OLAH: variants seen among roughly 807,000 people sequenced by gnomAD.
The protein encoded by OLAH is oleoyl-ACP hydrolase.
Under a neutral mutation model 27.8 loss-of-function variants are expected in OLAH, and 33 were observed. The observed-to-expected ratio is 1.19, with a 90% CI of 0.90 to 1.59. The LOEUF (loss-of-function observed/expected upper bound fraction) is 1.59. OLAH is among the 40% of genes most tolerant of loss of function. The pLI, the probability that OLAH is intolerant of heterozygous loss-of-function variation, is 0.00. For missense variants in OLAH, 359 were observed against 310.8 expected (o/e 1.16, Z -1.17); for synonymous variants, 120 against 102.9 (o/e 1.17, Z -1.01).
intron 6 of OLAH, among the ~76,000 whole-genome samples, chr10:15,067,456 C>T (rs906578296): frequency 1.3e-5 from 2 of 152,134 alleles, no homozygotes; most frequent in Non-Finnish European, 2.9e-5. Flanking sequence ...CACAACAAAC[C>T]ATGAGCTATT....
intron 1 of OLAH, among the ~76,000 whole-genome samples, chr10:15,046,427 A>G (rs1844018953): frequency 2.0e-5 from 3 of 152,154 alleles, no homozygotes; most frequent in Admixed American, 2.0e-4. Flanking sequence ...AGTTTGGCAC[A>G]GCAGTGAAGC....
intron 1 of OLAH, among the ~76,000 whole-genome samples, chr10:15,046,068 G>A (rs1434230856): frequency 1.3e-5 from 2 of 151,716 alleles, no homozygotes; most frequent in South Asian, 2.1e-4. Flanking sequence ...AGATCTGGCC[G>A]GGTGTGGTGG....
chr10:15,056,866 G>T, intron 3 of OLAH: 2 of 1,524,588 alleles, frequency 1.3e-6, no homozygotes, highest in Non-Finnish European at 8.8e-7. Flanking sequence ...CTCAAACTCC[G>T]GCGCTCAAGT....
At position 15,065,568 on chromosome 10, in the gene OLAH, T is replaced by C; in HGVS notation, c.403-16T>C. ...TATATGAAATATCAGGCCTGTGTTG[T>C]TGTTCATGTTTCAAGTCAAAGGCCT... On this transcript the variant is annotated splice_polypyrimidine_tract_variant and intron_variant, in intron 5 of 7. Coordinates refer to ENST00000378228, the MANE Select transcript of OLAH (RefSeq NM_001039702.3). 2 of 1,601,786 alleles carry C rather than the reference T, an allele frequency of 1.2e-6. No homozygotes were observed. Among genetic ancestry groups the C allele is most frequent in the Admixed American group, 1.7e-5 (1 of 57,218 alleles).
rs1346145671 is a variant in OLAH, at chr10:15,060,235, T to C, written c.164-1489T>C. 2.0e-5 allele frequency among the ~76,000 whole-genome samples: 3 copies of C among 152,188 alleles called. No individual in the cohort carries two copies. In the East Asian group the frequency reaches 5.8e-4, roughly 29 times the overall value. On this transcript the variant is annotated intron_variant, in intron 3 of 7. Transcript: ENST00000378228. ...TCCAGGCTGGAGTGCAGTGGTATGA[T>C]CTTGACTCACTGCAACCTCTGCCTC...
intron 6 of OLAH, among the ~76,000 whole-genome samples, chr10:15,070,825 G>A (rs542862693): frequency 8.2e-6 from 1 of 121,622 alleles, no homozygotes; most frequent in African/African-American, 3.2e-5. Context: ...TTACTCTGTT[G>A]CTCAGGCTGG....
chr10:15,072,008 A>G (rs889216647), intron 7 of OLAH, 131 bp downstream of exon 7: 8 of 606,020 alleles, frequency 1.3e-5, no homozygotes, highest in Admixed American at 2.8e-5. Context: ...ATCTCAGCTC[A>G]TTGCAACCTC....
chr10:15,045,630 A>G (rs1388753041), intron 1 of OLAH, among the ~76,000 whole-genome samples: 2 of 152,152 alleles, frequency 1.3e-5, no homozygotes, highest in Non-Finnish European at 2.9e-5. Context: ...CTGTTCCTAA[A>G]AATGCCCTCC....
At chr10:15,052,190 G>A (rs1290775113) in intron 3 of OLAH, among the ~76,000 whole-genome samples, 2 of 152,300 alleles carry the variant, frequency 1.3e-5, no homozygotes, top group East Asian at 3.9e-4. Flanking sequence ...GGCTGAGGCA[G>A]AAGAACCGCT....
intron 2 of OLAH, among the ~76,000 whole-genome samples, chr10:15,047,962 T>A (rs1844054338): frequency 6.6e-6 from 1 of 152,178 alleles, no homozygotes; most frequent in South Asian, 2.1e-4. Flanking sequence ...TGGATGTTTG[T>A]AGAGATCAAC....
intron 6 of OLAH, among the ~76,000 whole-genome samples, chr10:15,066,199 C>T (rs966780803): frequency 4.0e-5 from 6 of 150,172 alleles, no homozygotes; most frequent in Middle Eastern, 3.4e-3. Context: ...TAACATCATA[C>T]CACTGCCCTC....
chr10:15,058,274 G>A (rs556233368), intron 3 of OLAH, among the ~76,000 whole-genome samples: 7 of 151,162 alleles, frequency 4.6e-5, no homozygotes, highest in Admixed American at 2.6e-4. Flanking sequence ...TAAGTTTTTC[G>A]TGCACATGGG....
chr10:15,036,098 A>T (rs934253811), intron 1 of OLAH, among the ~76,000 whole-genome samples: 6 of 152,194 alleles, frequency 3.9e-5, no homozygotes, highest in Admixed American at 2.6e-4. Flanking sequence ...CCTGGCCCAG[A>T]CGCTGATTAA....
chr10:15,045,537 A>G (rs1178978236), intron 1 of OLAH, among the ~76,000 whole-genome samples: 1 of 152,178 alleles, frequency 6.6e-6, no homozygotes, highest in African/African-American at 2.4e-5. Flanking sequence ...CTGGCCCAGA[A>G]TTACTAAGAA....
chr10:15,058,628 A>G lies in OLAH; in HGVS notation c.164-3096A>G, dbSNP rs190529701. Reference sequence around the variant, plus strand: ...AAGAACTTCTGAGTTTGTGGGGGGGAAAAACAAAATGATAAAAAATAATCT... The same window carrying G: ...AAGAACTTCTGAGTTTGTGGGGGGGGAAAACAAAATGATAAAAAATAATCT... On this transcript the variant is annotated intron_variant, in intron 3 of 7. Coordinates refer to ENST00000378228, the MANE Select transcript of OLAH (RefSeq NM_001039702.3). Among the ~76,000 whole-genome samples, 107 of 152,166 alleles carry G rather than the reference A, an allele frequency of 7.0e-4. No homozygotes were observed. In the East Asian group the frequency reaches 0.012, roughly 17 times the overall value.
Position 15,073,723 on chromosome 10 carries a change from G to A in OLAH, c.*494G>A. 1 of 150,644 alleles carries A rather than the reference G, an allele frequency of 6.6e-6. No homozygotes were observed. Among genetic ancestry groups the A allele is most frequent in the Non-Finnish European group, 1.5e-5 (1 of 67,796 alleles). The allele number at this position is 150,644 out of a possible 1,614,324, so 9.3% of individuals were successfully genotyped here. A position where few individuals can be genotyped will look rare whatever the true frequency, so the allele number is the denominator to read the frequency against. ...TTATCTTCCTATTAAAATCTCACTT[G>A]ATTCTCCTTTATGGGAAGTTTGTCG... On this transcript the variant is annotated 3_prime_UTR_variant, in exon 8 of 8. Coordinates refer to ENST00000378228, the MANE Select transcript of OLAH (RefSeq NM_001039702.3).
At position 15,048,840 on chromosome 10, in the gene OLAH, T is replaced by C. The variant is rs192541956; in HGVS notation, c.33-795T>C. Among the ~76,000 whole-genome samples, 485 of 152,196 alleles carry C rather than the reference T, an allele frequency of 3.2e-3. 2 individuals carry two copies. The highest frequency in any genetic ancestry group is 0.011 in the African/African-American group (459 of 41,540). On this transcript the variant is annotated intron_variant, in intron 2 of 7. Transcript: ENST00000378228. Reference sequence around the variant, plus strand: ...GAGACAAGGGCTGGGTGTGGCTTATTTTTGTAATCCCAGCACTTTGGGAGG... The same window carrying C: ...GAGACAAGGGCTGGGTGTGGCTTATCTTTGTAATCCCAGCACTTTGGGAGG...
intron 3 of OLAH, chr10:15,056,987 G>C: frequency 7.1e-7 from 1 of 1,408,424 alleles, no homozygotes; most frequent in Non-Finnish European, 9.4e-7. Context: ...TTTTTAGTAG[G>C]TTTTTTGTGT....
intron 6 of OLAH, among the ~76,000 whole-genome samples, chr10:15,068,650 C>T (rs1844518613): frequency 6.6e-6 from 1 of 152,166 alleles, no homozygotes; most frequent in Admixed American, 6.5e-5. Context: ...CCCACCTCGG[C>T]CTCCCAAAGT....
Sources: gnomAD v4.1 joint callset for allele counts (sites outside exome capture counted in the v4.1 genomes callset) on GRCh38, gnomAD v4.1.1 for gene constraint, MANE v1.5 for transcripts, NCBI Gene and HGNC (gene_info 2026-07-23, HGNC 2026-07-21) for gene names.